Variants in ATXN7 observed in about 807,000 individuals in gnomAD.
ATXN7 encodes the protein ataxin-7.
In ATXN7, 12 loss-of-function variants were observed where a neutral mutation model predicts 70.5. The ratio of observed to expected loss-of-function variants is 0.17; its 90% CI spans 0.11 to 0.28. The LOEUF is 0.28. Ranked by LOEUF, ATXN7 falls within the 10% of genes least tolerant of loss-of-function variation. ATXN7 has a pLI of 1.00. For missense variants in ATXN7, 1,256 were observed against 1,131.7 expected, an observed-to-expected ratio of 1.11 and a Z score of -1.58; for synonymous variants, 498 against 448.7, an observed-to-expected ratio of 1.11 and a Z score of -1.39.
At chr3:63,934,868 A>C (rs1047581492) in intron 4 of ATXN7, among the ~76,000 whole-genome samples, 1 of 152,152 alleles carries the variant, frequency 6.6e-6, no homozygotes, top group Admixed American at 6.6e-5. Context: ...ATTGTGAGAG[A>C]ATGTTCTATG....
At chr3:63,864,546 G>C (rs1238117298) in intron 1 of ATXN7, 3 of 152,192 alleles carry the variant, frequency 2.0e-5, no homozygotes, top group Non-Finnish European at 2.9e-5. Context: ...TCCTGGGCTC[G>C]GCGGGTGCGG....
intron 5 of ATXN7, among the ~76,000 whole-genome samples, chr3:63,972,922 A>T (rs1163243120): frequency 2.0e-5 from 3 of 152,176 alleles, no homozygotes; most frequent in African/African-American, 7.2e-5. Context: ...TGTCTAAATA[A>T]ACAAGCCTGT....
At chr3:63,872,062 C>T (rs998471949) in intron 1 of ATXN7, among the ~76,000 whole-genome samples, 1 of 152,054 alleles carries the variant, frequency 6.6e-6, no homozygotes, top group African/African-American at 2.4e-5. Flanking sequence ...GCCCCACATT[C>T]TGGTGGAGAT....
rs117386017 is a variant in ATXN7, at chr3:63,886,252, G to T, written c.-110-12147G>T. Among the ~76,000 whole-genome samples, 199 of 152,258 alleles carry T rather than the reference G, an allele frequency of 1.3e-3. 4 individuals carry two copies. In the East Asian group the frequency reaches 0.032, roughly 25 times the overall value. The stretch of plus-strand genomic sequence containing the variant: ...AATGGTTGCCAGAGGCTGGGAGTTG[G>T]GGGAGTGGTGAGGGAAATGGGGAGA... On this transcript the variant is annotated intron_variant, in intron 1 of 12. Transcript: ENST00000674280.
At chr3:63,869,151 G>A (rs1702522407) in intron 1 of ATXN7, among the ~76,000 whole-genome samples, 1 of 152,130 alleles carries the variant, frequency 6.6e-6, no homozygotes, top group Non-Finnish European at 1.5e-5. Flanking sequence ...GATCATTTAT[G>A]CTTTCTGCCC....
In ATXN7 at chr3:63,983,695, G is replaced by A. The variant is rs188100047; in HGVS notation, c.1095+674G>A. 2.4e-3 allele frequency among the ~76,000 whole-genome samples: 370 copies of A among 151,710 alleles called. 2 individuals are homozygous for A. The highest frequency in any genetic ancestry group is 8.7e-3 in the African/African-American group (360 of 41,450). ...ATGTAATGGTCTTCCTTTTTGCTCT[G>A]GGGTCTTCCTTCTTTTAAAATGCCA... On this transcript the variant is annotated intron_variant, in intron 8 of 12. Coordinates refer to ENST00000674280, the MANE Select transcript of ATXN7 (RefSeq NM_001377405.1).
chr3:63,929,269 C>CTT (rs1029963204), intron 4 of ATXN7, among the ~76,000 whole-genome samples: 36 of 136,630 alleles, frequency 2.6e-4, no homozygotes, highest in Admixed American at 3.7e-4. Flanking sequence ...CTCTCTCTCT[C>CTT]TTTTTTTTTT....
chr3:63,938,810 A>G (rs2074707324), intron 4 of ATXN7, among the ~76,000 whole-genome samples: 1 of 152,176 alleles, frequency 6.6e-6, no homozygotes, highest in Non-Finnish European at 1.5e-5. Context: ...ATTTATCTTT[A>G]TTTTTATTGT....
At chr3:63,970,361 C>T (rs2075290563) in intron 5 of ATXN7, among the ~76,000 whole-genome samples, 1 of 152,072 alleles carries the variant, frequency 6.6e-6, no homozygotes, top group Non-Finnish European at 1.5e-5. Context: ...CTGAACTGAT[C>T]ACTCAGACCA....
In ATXN7 at chr3:63,996,447, G is replaced by T; in HGVS notation, c.2625G>T (p.Gly875=). 6.2e-7 allele frequency: 1 copy of T among 1,614,088 alleles called. No individual in the cohort carries two copies. The highest frequency in any genetic ancestry group is 8.5e-7 in the Non-Finnish European group (1 of 1,180,006). The change falls in exon 12 of 13, where the codon GGG becomes GGT. Residue 875 remains glycine, a synonymous_variant. Transcript: ENST00000674280. ...TGAAACACACAGGCACCATCCCAGGGGCACAAGGACTGATGAACAGTTCCC... is the reference window on the plus strand; with the variant it reads ...TGAAACACACAGGCACCATCCCAGGTGCACAAGGACTGATGAACAGTTCCC... ...VHMKHTGTIP[G]AQGLMNSSLL...
intron 4 of ATXN7, among the ~76,000 whole-genome samples, chr3:63,946,389 C>G (rs1450590514): frequency 6.6e-6 from 1 of 152,070 alleles, no homozygotes; most frequent in African/African-American, 2.4e-5. Flanking sequence ...CCTATAATCC[C>G]AGCACTTTGG....
At chr3:63,990,901 A>G in intron 11 of ATXN7, 42 bp downstream of exon 11, 1 of 1,611,162 alleles carries the variant, frequency 6.2e-7, no homozygotes, top group African/African-American at 1.3e-5. Flanking sequence ...GACTTTACAC[A>G]GTGCTGCATT....
Position 64,001,686 on chromosome 3 carries a change from A to C in ATXN7, c.*2219A>C. 1 of 152,232 alleles carries C rather than the reference A, an allele frequency of 6.6e-6. No individual in the cohort carries two copies. The highest frequency in any genetic ancestry group is 1.9e-4 in the East Asian group (1 of 5,198). 9.4% of individuals were successfully genotyped at this position (152,232 alleles called of 1,614,324 possible). The stretch of plus-strand genomic sequence containing the variant: ...CATTATTTCTCCCGGTAATACACAG[A>C]GCATCGGGATTAGGAAATTAGCCAT... On this transcript the variant is annotated 3_prime_UTR_variant, in exon 13 of 13. Transcript: ENST00000674280.
intron 1 of ATXN7, among the ~76,000 whole-genome samples, chr3:63,873,093 A>T (rs1159591948): frequency 6.6e-6 from 1 of 152,192 alleles, no homozygotes; most frequent in South Asian, 2.1e-4. Flanking sequence ...TGAATTTTGT[A>T]TTCTACTCTA....
intron 3 of ATXN7, 86 bp downstream of exon 3, chr3:63,913,009 C>T (rs2107298164): frequency 7.4e-7 from 1 of 1,357,908 alleles, no homozygotes; most frequent in African/African-American, 1.5e-5. Context: ...CTCCTGTGAC[C>T]CGCCCCCTCG....
intron 2 of ATXN7, among the ~76,000 whole-genome samples, chr3:63,903,144 C>T (rs1018603256): frequency 1.4e-4 from 22 of 152,028 alleles, no homozygotes; most frequent in African/African-American, 4.3e-4. Context: ...CCTGTAATTC[C>T]GGCACTTTGG....
At chr3:63,892,505 A>ACT (rs1162430559) in intron 1 of ATXN7, among the ~76,000 whole-genome samples, 2 of 151,512 alleles carry the variant, frequency 1.3e-5, no homozygotes, top group Admixed American at 6.6e-5. Context: ...CCACACACAC[A>ACT]CACACACACC....
At chr3:63,932,745 A>C (rs1342007274) in intron 4 of ATXN7, among the ~76,000 whole-genome samples, 2 of 152,154 alleles carry the variant, frequency 1.3e-5, no homozygotes, top group Admixed American at 6.5e-5. Flanking sequence ...AAGAAAGAGA[A>C]AATTACTTCT....
At chr3:63,937,464 C>T (rs904851684) in intron 4 of ATXN7, among the ~76,000 whole-genome samples, 11 of 152,098 alleles carry the variant, frequency 7.2e-5, no homozygotes, top group African/African-American at 1.2e-4. Flanking sequence ...TTTTTTTGTA[C>T]ACCATAGTTT....
Sources: allele counts gnomAD v4.1 joint callset (sites outside exome capture counted in the v4.1 genomes callset), GRCh38; gene constraint gnomAD v4.1.1; transcripts MANE v1.5; gene names NCBI Gene and HGNC (gene_info 2026-07-23, HGNC 2026-07-21).